SPTAN1: variants seen among roughly 807,000 people sequenced by gnomAD.
SPTAN1 encodes the protein spectrin alpha, non-erythrocytic 1.
In SPTAN1, 61 loss-of-function variants were observed where a neutral mutation model predicts 331.3. The observed-to-expected ratio is 0.18, with a 90% confidence interval of 0.15 to 0.23. SPTAN1 has a LOEUF of 0.23. SPTAN1 is among the 10% of genes least tolerant of loss of function. SPTAN1 has a pLI of 1.00. For synonymous variants in SPTAN1, 1,153 were observed against 1,173.9 expected, an observed-to-expected ratio of 0.98 and a Z score of 0.36; for missense variants, 2,043 against 3,147.9, an observed-to-expected ratio of 0.65 and a Z score of 8.40.
chr9:128,567,043 G>T, intron 2 of SPTAN1, 66 bp downstream of exon 2: 1 of 1,606,874 alleles, frequency 6.2e-7, no homozygotes. Flanking sequence ...CCAAAAATCA[G>T]ACGAGGAAAG....
chr9:128,592,951 G>A (rs371372049), intron 22 of SPTAN1, 32 bp from the exon 23 acceptor site: 18 of 1,589,802 alleles, frequency 1.1e-5, no homozygotes, highest in East Asian at 1.1e-4. Context: ...CCACTAATTC[G>A]TGCATGCTTT....
chr9:128,580,863 T>A (rs1851853800), intron 10 of SPTAN1, 59 bp from the exon 11 acceptor site: 2 of 1,609,750 alleles, frequency 1.2e-6, no homozygotes, highest in African/African-American at 1.3e-5. Context: ...CTGTTCTGTC[T>A]GCCTCGGAGG....
At chr9:128,630,454 T>C in intron 52 of SPTAN1, 79 bp downstream of exon 52, 3 of 1,449,388 alleles carry the variant, frequency 2.1e-6, no homozygotes, top group Non-Finnish European at 2.9e-6. Context: ...CTTCCTGGCT[T>C]AAAGTCAGGA....
At chr9:128,626,124 T>C in intron 48 of SPTAN1, 146 bp downstream of exon 48, 1 of 1,089,172 alleles carries the variant, frequency 9.2e-7, no homozygotes, top group East Asian at 2.5e-5. Flanking sequence ...TGGCATCAAT[T>C]AAAACCAGGG....
chr9:128,552,619 G>A lies in SPTAN1; in HGVS notation c.-81G>A, dbSNP rs1416059929. 6.6e-6 allele frequency: 1 copy of A among 150,876 alleles called. No individual in the cohort carries two copies. The highest frequency in any genetic ancestry group is 1.5e-5 in the Non-Finnish European group (1 of 67,256). 9.3% of individuals were successfully genotyped at this position (150,876 alleles called of 1,614,324 possible). Reference sequence around the variant, plus strand: ...CCCGCTGCGGAGTGAACGGTGTGGAGCGGAGGCCGCGGAGGCTCCTCGGTC... The same window carrying A: ...CCCGCTGCGGAGTGAACGGTGTGGAACGGAGGCCGCGGAGGCTCCTCGGTC... On this transcript the variant is annotated 5_prime_UTR_variant, in exon 1 of 57. Transcript: ENST00000372739. The surrounding 1 kb of genome is among the most constrained non-coding windows in gnomAD (Gnocchi z 4.6).
Position 128,568,780 on chromosome 9 carries a change from T to C in SPTAN1, c.246T>C (p.Leu82=). The change falls in exon 3 of 57, where the codon CTT becomes CTC. Residue 82 remains leucine, a synonymous_variant. Coordinates refer to ENST00000372739, the MANE Select transcript of SPTAN1 (RefSeq NM_001130438.3). ...YKDPTNLQGK[L]QKHQAFEAEV... ...TCAAGGTCCGCCAACAGGGAAAGCT[T>C]CAGAAGCATCAAGCATTTGAAGCTG... 6.2e-7 allele frequency: 1 copy of C among 1,614,060 alleles called. No individual in the cohort carries two copies. Among genetic ancestry groups the C allele is most frequent in the Non-Finnish European group, 8.5e-7 (1 of 1,179,986 alleles).
Position 128,605,334 on chromosome 9 carries a change from G to T in SPTAN1, c.3903G>T (p.Gln1301His), listed in dbSNP as rs1232892387. 2 of 1,614,184 alleles carry T rather than the reference G, an allele frequency of 1.2e-6. No homozygotes were observed. The highest frequency in any genetic ancestry group is 1.7e-6 in the Non-Finnish European group (2 of 1,180,044). ...SLGETAERLI[Q>H]SHPESAEDLQ... The stretch of plus-strand genomic sequence containing the variant: ...GTGAAACAGCAGAGCGCCTGATCCA[G>T]TCCCATCCCGAGTCAGCAGAAGACC... Residue 1301 changes from glutamine (Q) to histidine (H), a missense_variant, in exon 31 of 57, where the codon CAG becomes CAT. By Grantham distance (24) the Gln-to-His change is conservative. Transcript: ENST00000372739.
chr9:128,626,596 T>A lies in SPTAN1; in HGVS notation c.6485T>A (p.Ile2162Asn). 2 of 1,613,938 alleles carry A rather than the reference T, an allele frequency of 1.2e-6. No homozygotes were observed. The highest frequency in any genetic ancestry group is 1.7e-6 in the Non-Finnish European group (2 of 1,179,974). Reference sequence around the variant, plus strand: ...CAGCTGGCCGAGCTGGACCGCCAGATCAAGAGCTTCCGCGTAGCCTCCAAC... The same window carrying A: ...CAGCTGGCCGAGCTGGACCGCCAGAACAAGAGCTTCCGCGTAGCCTCCAAC... Reference protein sequence around the residue: ...FNQLAELDRQIKSFRVASNPY... With the variant: ...FNQLAELDRQNKSFRVASNPY... Residue 2162 changes from isoleucine (I) to asparagine (N), a missense_variant, in exon 49 of 57, where the codon ATC (isoleucine) becomes AAC (asparagine). Physicochemically the swap from Ile to Asn is moderately radical, Grantham distance 149. Coordinates refer to ENST00000372739, the MANE Select transcript of SPTAN1 (RefSeq NM_001130438.3).
At chr9:128,632,049 G>C in intron 52 of SPTAN1, 78 bp from the exon 53 acceptor site, 1 of 1,485,192 alleles carries the variant, frequency 6.7e-7, no homozygotes. Flanking sequence ...GCAGGAACCA[G>C]AGGGCAGTAA....
chr9:128,561,015 CA>C (rs10648319), intron 1 of SPTAN1, among the ~76,000 whole-genome samples: 816 of 60,300 alleles, frequency 0.014, 9 homozygotes, highest in African/African-American at 0.053. Context: ...GACCCCATCT[CA>C]AAAAAAAAAA....
intron 3 of SPTAN1, among the ~76,000 whole-genome samples, chr9:128,570,338 T>A (rs1331060269): frequency 0.069 from 732 of 10,548 alleles, 2 homozygotes; most frequent in African/African-American, 0.1. Flanking sequence ...ATATTTTTTT[T>A]TTTTTTTTTT....
intron 46 of SPTAN1, 109 bp from the exon 47 acceptor site, chr9:128,624,994 T>G: frequency 9.5e-7 from 1 of 1,053,390 alleles, no homozygotes. Flanking sequence ...GTTAGGAAGA[T>G]TGGGATTTAT....
intron 27 of SPTAN1, among the ~76,000 whole-genome samples, chr9:128,603,242 C>T (rs1317053470): frequency 1.3e-5 from 2 of 151,860 alleles, no homozygotes; most frequent in Non-Finnish European, 2.9e-5. Flanking sequence ...TGACACTAAT[C>T]ATTAGTCTTT....
At chr9:128,575,484 G>T (rs766790804) in intron 5 of SPTAN1, 139 bp downstream of exon 5, 26 of 950,096 alleles carry the variant, frequency 2.7e-5, no homozygotes, top group Non-Finnish European at 4.1e-5. Context: ...GTTTTGTTTA[G>T]ATGTGAGGCA....
chr9:128,581,930 TATAGTAAGCC>T, intron 12 of SPTAN1, 38 bp downstream of exon 12: 1 of 1,426,976 alleles, frequency 7.0e-7, no homozygotes, highest in African/African-American at 1.4e-5. Flanking sequence ...AAATGACCCT[TATAGTAAGCC>T]AGAGTCTTTT....
chr9:128,558,923 T>C (rs1281464284), intron 1 of SPTAN1, among the ~76,000 whole-genome samples: 2 of 152,196 alleles, frequency 1.3e-5, no homozygotes, highest in African/African-American at 4.8e-5. Flanking sequence ...ATGACCCTTT[T>C]AGGAGCAAAA....
At position 128,633,493 on chromosome 9, in the gene SPTAN1, C is replaced by T; in HGVS notation, c.*159C>T. On this transcript the variant is annotated 3_prime_UTR_variant, in exon 57 of 57. Transcript: ENST00000372739. ...GTGCTTCACTAACCCGCTTCCGGTC[C>T]AGTCACAATCATCATGTCACTGTGG... The T allele has an allele frequency of 1.6e-6, 2 of 1,257,696 alleles. No individual in the cohort carries two copies. The highest frequency in any genetic ancestry group is 2.3e-6 in the Non-Finnish European group (2 of 881,484). 77.9% of individuals were successfully genotyped at this position (1,257,696 alleles called of 1,614,324 possible).
Position 128,582,857 on chromosome 9 carries a change from A to G in SPTAN1, c.1806+8A>G. On this transcript the variant is annotated splice_region_variant and intron_variant, in intron 14 of 56. Coordinates refer to ENST00000372739, the MANE Select transcript of SPTAN1 (RefSeq NM_001130438.3). ...ACAGATGAAGCTTATAAAGTAATGT[A>G]CTGTTAGTGTTGCCATGTAGCACTC... The G allele has an allele frequency of 6.2e-7, 1 of 1,612,114 alleles. No homozygotes were observed. Among genetic ancestry groups the G allele is most frequent in the Non-Finnish European group, 8.5e-7 (1 of 1,180,010 alleles).
At chr9:128,573,846 C>A (rs7043563) in intron 3 of SPTAN1, among the ~76,000 whole-genome samples, 1 of 151,862 alleles carries the variant, frequency 6.6e-6, no homozygotes, top group East Asian at 1.9e-4. Flanking sequence ...CTCCAACTCC[C>A]TGGGGTCAAG....
Sources: gnomAD v4.1 joint callset for allele counts (sites outside exome capture counted in the v4.1 genomes callset) on GRCh38, gnomAD v4.1.1 for gene constraint, Gnocchi (gnomAD v3.1) non-coding constraint, MANE v1.5 for transcripts, NCBI Gene and HGNC (gene_info 2026-07-23, HGNC 2026-07-21) for gene names.